Variants in SMURF2 observed in about 807,000 individuals in gnomAD.
SMURF2 encodes the protein E3 ubiquitin-protein ligase SMURF2.
Under a neutral mutation model 109.6 loss-of-function variants are expected in SMURF2, and 48 were observed. That is an observed-to-expected ratio of 0.44 (90% CI 0.35 to 0.56). The LOEUF is 0.56. Among genes scored for constraint, SMURF2 ranks in the 20% least tolerant of loss-of-function variants. The probability of loss-of-function intolerance (pLI) is 0.01; values close to 1 mark genes in which losing one functional copy is unlikely to be tolerated. For synonymous variants in SMURF2, 288 were observed against 317.1 expected (o/e 0.91, Z 0.97); for missense variants, 575 against 909.0 (o/e 0.63, Z 4.72).
At chr17:64,631,961 CGGGGGGGGGGG>C (rs782202552) in intron 1 of SMURF2, among the ~76,000 whole-genome samples, 1 of 9,954 alleles carries the variant, frequency 1.0e-4, no homozygotes, top group Non-Finnish European at 2.4e-4. Flanking sequence ...TCTTTTTTTG[CGGGGGGGGGGG>C]GGGGGGGGTG....
At chr17:64,604,444 C>T (rs1345582182) in intron 2 of SMURF2, among the ~76,000 whole-genome samples, 1 of 152,150 alleles carries the variant, frequency 6.6e-6, no homozygotes, top group Non-Finnish European at 1.5e-5. Context: ...TAACAATCAG[C>T]TCTCAAAGGT....
At chr17:64,634,343 T>C (rs1415082150) in intron 1 of SMURF2, among the ~76,000 whole-genome samples, 6 of 152,180 alleles carry the variant, frequency 3.9e-5, no homozygotes, top group Non-Finnish European at 7.3e-5. Context: ...CTCCACAAGA[T>C]AAATCTTTGA....
intron 1 of SMURF2, among the ~76,000 whole-genome samples, chr17:64,607,093 C>T: frequency 7.0e-6 from 1 of 142,226 alleles, no homozygotes; most frequent in African/African-American, 2.6e-5. Context: ...TTTTAAATAA[C>T]ATTCTGTTCT....
At chr17:64,549,405 T>A (rs1265964800) in intron 16 of SMURF2, among the ~76,000 whole-genome samples, 2 of 151,536 alleles carry the variant, frequency 1.3e-5, no homozygotes, top group Non-Finnish European at 2.9e-5. Flanking sequence ...ATCATGGTAC[T>A]GCACTCCAGC....
At chr17:64,592,494 T>C (rs1339229993) in intron 4 of SMURF2, among the ~76,000 whole-genome samples, 2 of 152,228 alleles carry the variant, frequency 1.3e-5, no homozygotes, top group African/African-American at 4.8e-5. Flanking sequence ...TATATACCTA[T>C]GCTGTGGTAT....
rs530843417 is a variant in SMURF2 at position 64,655,742 on chromosome 17, A to G, written c.52+6087T>C. Among the ~76,000 whole-genome samples the G allele has an allele frequency of 8.7e-4, 132 of 152,216 alleles. 1 individual carries two copies. Among genetic ancestry groups the G allele is most frequent in the Non-Finnish European group, 1.2e-3 (82 of 68,018 alleles). ...TCTCCACCCAAAAAAAATACAAAAA[A>G]AAATTAGCTGGGAGTGGTGGCATGC... On this transcript the variant is annotated intron_variant, in intron 1 of 18. Coordinates refer to ENST00000262435, the MANE Select transcript of SMURF2 (RefSeq NM_022739.4).
intron 12 of SMURF2, among the ~76,000 whole-genome samples, chr17:64,560,068 A>C (rs546487019): frequency 9.8e-4 from 147 of 150,218 alleles, no homozygotes; most frequent in African/African-American, 3.4e-3. Flanking sequence ...TTTTTTTTTT[A>C]ATTAGGCATG....
intron 1 of SMURF2, among the ~76,000 whole-genome samples, chr17:64,634,592 C>T (rs1158053702): frequency 6.6e-6 from 1 of 152,164 alleles, no homozygotes; most frequent in African/African-American, 2.4e-5. Context: ...ACTTTCTCAG[C>T]TAATTAATCT....
chr17:64,601,852 A>G lies in SMURF2; in HGVS notation c.92-3362T>C, dbSNP rs9905935. ...AGAAATGTGGTGTGTGTGTGTGTGT[A>G]TATGTGTGTGTGTATATATATGTTT... On this transcript the variant is annotated intron_variant, in intron 2 of 18. Coordinates refer to ENST00000262435, the MANE Select transcript of SMURF2 (RefSeq NM_022739.4). Among the ~76,000 whole-genome samples the G allele has an allele frequency of 9.4e-3, 1,397 of 149,302 alleles. 26 individuals are homozygous for G. The highest frequency in any genetic ancestry group is 0.032 in the African/African-American group (1,312 of 40,656).
chr17:64,613,413 A>G (rs1373866613), intron 1 of SMURF2, among the ~76,000 whole-genome samples: 1 of 152,204 alleles, frequency 6.6e-6, no homozygotes, highest in Non-Finnish European at 1.5e-5. Context: ...TGGAAAGTAG[A>G]ACTAAGATTA....
chr17:64,635,683 A>G (rs1344733054), intron 1 of SMURF2, among the ~76,000 whole-genome samples: 1 of 152,224 alleles, frequency 6.6e-6, no homozygotes, highest in Non-Finnish European at 1.5e-5. Flanking sequence ...GCTGAATAAT[A>G]TTCCATTGTA....
chr17:64,648,512 ATG>A (rs1273513345), intron 1 of SMURF2, among the ~76,000 whole-genome samples: 1 of 152,184 alleles, frequency 6.6e-6, no homozygotes, highest in East Asian at 1.9e-4. Flanking sequence ...TGGCTCACAC[ATG>A]TAACTCCAGC....
In SMURF2 at chr17:64,561,602, T is replaced by C. The variant is rs782498467; in HGVS notation, c.1214A>G (p.Glu405Gly). The C allele has an allele frequency of 1.0e-4, 165 of 1,607,772 alleles. No homozygotes were observed. The highest frequency in any genetic ancestry group is 1.3e-4 in the Non-Finnish European group (154 of 1,177,570). ...CATTTTCATGACCTGTCGATATGAT[T>C]CCTGAAAAAAATAATTTTTAATACC... is the stretch of plus-strand genomic sequence containing the variant. Reference protein sequence around the residue: ...IEVSREEIFEESYRQVMKMRP... With the variant: ...IEVSREEIFEGSYRQVMKMRP... The change falls in exon 12 of 19, where the codon GAA becomes GGA. Residue 405 changes from glutamate to glycine, a missense_variant and splice_region_variant. Around this residue, in one of 5 missense-constraint regions of SMURF2, gnomAD observed 361 missense variants for 612.1 expected, o/e 0.59. Coordinates refer to ENST00000262435, the MANE Select transcript of SMURF2 (RefSeq NM_022739.4).
At chr17:64,622,195 A>T (rs1222626888) in intron 1 of SMURF2, among the ~76,000 whole-genome samples, 1 of 151,826 alleles carries the variant, frequency 6.6e-6, no homozygotes, top group Non-Finnish European at 1.5e-5. Context: ...GAATTCATAA[A>T]TGTAATAAAC....
Position 64,647,072 on chromosome 17 carries a change from T to C in SMURF2, c.52+14757A>G, listed in dbSNP as rs552382320. ...TCTTATCTGTTTGGTTACCTGCAAG[T>C]TCCCTGAAAGCAAGATAAAGGTCTT... is the stretch of plus-strand genomic sequence containing the variant. On this transcript the variant is annotated intron_variant, in intron 1 of 18. Coordinates refer to ENST00000262435, the MANE Select transcript of SMURF2 (RefSeq NM_022739.4). Among the ~76,000 whole-genome samples the C allele has an allele frequency of 3.3e-5, 5 of 152,250 alleles. No individual in the cohort carries two copies. In the South Asian group the frequency reaches 1.0e-3, roughly 32 times the overall value.
In SMURF2 at chr17:64,571,947, G is replaced by A; in HGVS notation, c.867C>T (p.Ser289=). 3 of 1,604,500 alleles carry A rather than the reference G, an allele frequency of 1.9e-6. No individual in the cohort carries two copies. Among genetic ancestry groups the A allele is most frequent in the Non-Finnish European group, 2.5e-6 (3 of 1,176,692 alleles). The part of the protein sequence containing the change: ...WHDPRVPRDL[S]NINCEELGPL... ...GACCAAGCTCTTCACAATTGATGTT[G>A]CTAAGATCCCTGCAAAAACAAATAT... Residue 289 remains serine (S), a synonymous_variant, in exon 10 of 19, where the codon AGC becomes AGT. Coordinates refer to ENST00000262435, the MANE Select transcript of SMURF2 (RefSeq NM_022739.4).
At chr17:64,619,664 C>T (rs1555690459) in intron 1 of SMURF2, among the ~76,000 whole-genome samples, 1 of 151,956 alleles carries the variant, frequency 6.6e-6, no homozygotes, top group Non-Finnish European at 1.5e-5. Flanking sequence ...GGCCGTCTTC[C>T]TGGTTTGCAT....
rs1164717270 is a variant in SMURF2 at position 64,566,561 on chromosome 17, GTTTTTTTTTTTTT to G, written c.1017-3608_1017-3596del. ...GATGTAGAAATGCTTAAGCTTTCTG[GTTTTTTTTTTTTT>G]TTTTTTTTTTTTTTTTTGAGACAGT... On this transcript the variant is annotated intron_variant, in intron 10 of 18. Transcript: ENST00000262435. Among the ~76,000 whole-genome samples, 37 of 43,804 alleles carry G rather than the reference GTTTTTTTTTTTTT, an allele frequency of 8.4e-4. 1 individual carries two copies. Among genetic ancestry groups the G allele is most frequent in the Admixed American group, 2.9e-3 (7 of 2,376 alleles). The allele number at this position is 43,804 out of a possible 152,430, so 28.7% of individuals were successfully genotyped here.
chr17:64,573,261 AGGAGGAGGAGGAG>A (rs1555685761), intron 9 of SMURF2, among the ~76,000 whole-genome samples: 1 of 36,538 alleles, frequency 2.7e-5, no homozygotes, highest in African/African-American at 1.5e-4. Flanking sequence ...GGGGAGGAGG[AGGAGGAGGAGGAG>A]GGGGAGGAGG....
Sources: allele counts gnomAD v4.1 joint callset (sites outside exome capture counted in the v4.1 genomes callset), GRCh38; gene constraint gnomAD v4.1.1; regional missense constraint gnomAD v4.1.1; transcripts MANE v1.5; gene names NCBI Gene and HGNC (gene_info 2026-07-23, HGNC 2026-07-21).